The following OSBPL2 variants were observed in gnomAD, a reference collection of about 807,000 sequenced individuals.
OSBPL2 encodes the protein oxysterol binding protein like 2.
In OSBPL2, 18 loss-of-function variants were observed where a neutral mutation model predicts 58.4. The ratio of observed to expected loss-of-function variants is 0.31; its 90% CI spans 0.21 to 0.46. OSBPL2 has a LOEUF of 0.46. Among genes scored for constraint, OSBPL2 ranks in the 20% least tolerant of loss-of-function variants. The pLI is 1.00. For missense variants in OSBPL2, 461 were observed against 616.5 expected (o/e 0.75, Z 2.67); for synonymous variants, 221 against 234.1 (o/e 0.94, Z 0.51).
rs147891445 is a variant in OSBPL2, at chr20:62,251,865, CTTTTTTTTTTTTT to C, written c.-128-4173_-128-4161del. On this transcript the variant is annotated intron_variant, in intron 1 of 13. Transcript: ENST00000313733. The stretch of plus-strand genomic sequence containing the variant: ...TCAAGCGTCATTTTAATTGGTATGC[CTTTTTTTTTTTTT>C]TTTTTTTTTTTTTTTTTTCTGGAGA... Among the ~76,000 whole-genome samples the C allele has an allele frequency of 2.2e-3, 90 of 41,772 alleles. 1 individual carries two copies. The highest frequency in any genetic ancestry group is 0.01 in the Admixed American group (23 of 2,290). The allele number at this position is 41,772 out of a possible 152,430, so 27.4% of individuals were successfully genotyped here.
rs866977798 is a variant in OSBPL2, at chr20:62,256,130, C to T, written c.-55C>T. 1.6e-5 allele frequency: 26 copies of T among 1,585,114 alleles called. No individual in the cohort carries two copies. In the Middle Eastern group the frequency reaches 6.6e-4, roughly 40 times the overall value. On this transcript the variant is annotated 5_prime_UTR_variant, in exon 2 of 14. In the 5' UTR this introduces an upstream ATG that the reference lacks. Coordinates refer to ENST00000313733, the MANE Select transcript of OSBPL2 (RefSeq NM_144498.4). ...TTACACTGTAGATGTGGATCAGATA[C>T]GATGATTCAGTAGAAGAGCACATGT...
In OSBPL2 at chr20:62,293,732, C is replaced by T. The variant is rs1395560740; in HGVS notation, c.1341-53C>T. ...CACTCCTGCACCCAGAACAGGGCTGCGTTTTCCTTTTGGGCTGAGCATCTT... is the reference window on the plus strand; with the variant it reads ...CACTCCTGCACCCAGAACAGGGCTGTGTTTTCCTTTTGGGCTGAGCATCTT... On this transcript the variant is annotated intron_variant, in intron 13 of 13. Transcript: ENST00000313733. The T allele has an allele frequency of 9.7e-6, 15 of 1,544,984 alleles. No homozygotes were observed. In the South Asian group the frequency reaches 1.4e-4, roughly 14 times the overall value.
chr20:62,293,066 G>A (rs1983627769), intron 13 of OSBPL2, among the ~76,000 whole-genome samples: 1 of 151,902 alleles, frequency 6.6e-6, no homozygotes, highest in Non-Finnish European at 1.5e-5. Context: ...AGTAGAGACG[G>A]GGTTTCCCCG....
In OSBPL2 at chr20:62,279,223, C is replaced by G. The variant is rs773139112; in HGVS notation, c.558C>G (p.His186Gln). 1 of 1,614,214 alleles carries G rather than the reference C, an allele frequency of 6.2e-7. No individual in the cohort carries two copies. Among genetic ancestry groups the G allele is most frequent in the Non-Finnish European group, 8.5e-7 (1 of 1,180,002 alleles). ...ACCACCCCCCCATCAGTGCGTTCCACTCGGAAGGTCTCAACCATGACTTCC... is the reference window on the plus strand; with the variant it reads ...ACCACCCCCCCATCAGTGCGTTCCAGTCGGAAGGTCTCAACCATGACTTCC... ...VSHHPPISAF[H>Q]SEGLNHDFLF... The change falls in exon 7 of 14, where the codon CAC becomes CAG. Residue 186 changes from histidine (H) to glutamine (Q), a missense_variant. His to Gln is a conservative substitution (Grantham distance 24). Coordinates refer to ENST00000313733, the MANE Select transcript of OSBPL2 (RefSeq NM_144498.4).
At chr20:62,281,666 ACACCCATTTGCAGTC>A in intron 8 of OSBPL2, 109 bp from the exon 9 acceptor site, 1 of 668,946 alleles carries the variant, frequency 1.5e-6, no homozygotes, top group Non-Finnish European at 2.8e-6. Context: ...AAGGCCCACC[ACACCCATTTGCAGTC>A]ACCCCCCGCC....
intron 1 of OSBPL2, among the ~76,000 whole-genome samples, chr20:62,254,731 A>G (rs1980804980): frequency 6.6e-6 from 1 of 152,226 alleles, no homozygotes; most frequent in African/African-American, 2.4e-5. Flanking sequence ...TTTTGACACA[A>G]GTAAGGATGC....
chr20:62,281,660 C>T lies in OSBPL2; in HGVS notation c.783-130C>T, dbSNP rs192784155. 1.3e-4 allele frequency: 86 copies of T among 641,308 alleles called. No homozygotes were observed. The African/African-American group carries it at 1.4e-3, about 10-fold the overall frequency. The allele number at this position is 641,308 out of a possible 1,614,324, so 39.7% of individuals were successfully genotyped here. Reference sequence around the variant, plus strand: ...TCAAACACTTCCATCGCCCCAAAGGCCCACCACACCCATTTGCAGTCACCC... The same window carrying T: ...TCAAACACTTCCATCGCCCCAAAGGTCCACCACACCCATTTGCAGTCACCC... On this transcript the variant is annotated intron_variant, in intron 8 of 13. Coordinates refer to ENST00000313733, the MANE Select transcript of OSBPL2 (RefSeq NM_144498.4).
At chr20:62,280,082 G>C (rs1391182698) in intron 7 of OSBPL2, 1 of 1,304,174 alleles carries the variant, frequency 7.7e-7, no homozygotes, top group African/African-American at 1.5e-5. Flanking sequence ...GACAGACACA[G>C]ACCGGATGCT....
chr20:62,270,041 C>A (rs1981952258), intron 4 of OSBPL2, among the ~76,000 whole-genome samples: 1 of 152,238 alleles, frequency 6.6e-6, no homozygotes, highest in Non-Finnish European at 1.5e-5. Flanking sequence ...GCAGAGCCCC[C>A]CTCCCAGCAC....
intron 6 of OSBPL2, among the ~76,000 whole-genome samples, chr20:62,276,876 G>A (rs572392028): frequency 4.0e-4 from 61 of 152,324 alleles, no homozygotes; most frequent in African/African-American, 1.4e-3. Flanking sequence ...CAGCCTTCTC[G>A]TCCTCTGGTC....
At chr20:62,292,077 C>G (rs1307982663) in intron 13 of OSBPL2, among the ~76,000 whole-genome samples, 2 of 152,220 alleles carry the variant, frequency 1.3e-5, no homozygotes, top group Non-Finnish European at 2.9e-5. Flanking sequence ...GCCGAGACCA[C>G]CCGGCTGGGG....
At chr20:62,280,353 T>G in intron 7 of OSBPL2, 1 of 302,642 alleles carries the variant, frequency 3.3e-6, no homozygotes, top group South Asian at 2.8e-5. Flanking sequence ...TGCAGTGGCC[T>G]TGCTTAATTA....
chr20:62,282,286 A>G (rs1982845698), intron 9 of OSBPL2, among the ~76,000 whole-genome samples: 1 of 152,172 alleles, frequency 6.6e-6, no homozygotes, highest in South Asian at 2.1e-4. Context: ...TGTTAGCTTG[A>G]GGGGCGTCAG....
At chr20:62,275,334 TAG>T (rs1045379400) in intron 6 of OSBPL2, among the ~76,000 whole-genome samples, 7 of 152,216 alleles carry the variant, frequency 4.6e-5, no homozygotes, top group Non-Finnish European at 8.8e-5. Flanking sequence ...TTTTCTAAAT[TAG>T]AGTGTTTCAT....
intron 3 of OSBPL2, among the ~76,000 whole-genome samples, chr20:62,261,490 C>T (rs1981304635): frequency 6.6e-6 from 1 of 152,164 alleles, no homozygotes; most frequent in African/African-American, 2.4e-5. Context: ...GCTGTAGGCC[C>T]ACACGCCTGC....
intron 2 of OSBPL2, among the ~76,000 whole-genome samples, chr20:62,256,712 T>G (rs1980945060): frequency 6.6e-6 from 1 of 152,200 alleles, no homozygotes; most frequent in African/African-American, 2.4e-5. Flanking sequence ...AGAATGTGTT[T>G]TGGCATCCAG....
chr20:62,291,582 C>A, intron 12 of OSBPL2, 121 bp from the exon 13 acceptor site: 1 of 847,332 alleles, frequency 1.2e-6, no homozygotes, highest in Non-Finnish European at 2.0e-6. Context: ...ATCACAGAAC[C>A]TGTTGTCTGT....
chr20:62,270,699 CCCTCTCTGG>C (rs796876850), intron 4 of OSBPL2, among the ~76,000 whole-genome samples: 119 of 3,176 alleles, frequency 0.037, 6 homozygotes, highest in African/African-American at 0.053. Context: ...CTCTCCTTGT[CCCTCTCTGG>C]CCTCTCTGGG....
chr20:62,286,813 G>A, intron 11 of OSBPL2, 102 bp downstream of exon 11: 6 of 1,360,200 alleles, frequency 4.4e-6, no homozygotes, highest in East Asian at 2.4e-5. Context: ...CTTGCCTGCC[G>A]CCTCGCCTCA....
Sources: allele counts gnomAD v4.1 joint callset (sites outside exome capture counted in the v4.1 genomes callset), GRCh38; gene constraint gnomAD v4.1.1; transcripts MANE v1.5; gene names NCBI Gene and HGNC (gene_info 2026-07-23, HGNC 2026-07-21).